PCDHA1: variants seen among roughly 807,000 people sequenced by gnomAD.
PCDHA1 encodes protocadherin alpha-1.
A neutral mutation model predicts 61.3 loss-of-function variants in PCDHA1; 42 were observed. That is an observed-to-expected ratio of 0.69 (90% CI 0.54 to 0.89). The LOEUF is 0.89. PCDHA1 is among the 40% of genes least tolerant of loss of function. PCDHA1 has a pLI of 0.00. For missense variants in PCDHA1, 1,256 were observed against 1,235.3 expected (o/e 1.02, Z -0.25); for synonymous variants, 610 against 553.8 (o/e 1.10, Z -1.43).
In PCDHA1 at chr5:140,915,632, C is replaced by CTCTG. The variant is rs1161142039; in HGVS notation, c.2395-63314_2395-63313insGTCT. 3.9e-3 allele frequency among the ~76,000 whole-genome samples: 565 copies of CTCTG among 144,610 alleles called. 2 individuals are homozygous for CTCTG. Among genetic ancestry groups the CTCTG allele is most frequent in the African/African-American group, 0.016 (538 of 34,672 alleles). 94.9% of individuals were successfully genotyped at this position (144,610 alleles called of 152,430 possible). A position where few individuals can be genotyped will look rare whatever the true frequency, so the allele number is the denominator to read the frequency against. On this transcript the variant is annotated intron_variant, in intron 1 of 3. Coordinates refer to ENST00000504120, the MANE Select transcript of PCDHA1 (RefSeq NM_018900.4). ...TGTCAAACAGTCTCTTTCTGTCTCT[C>CTCTG]TCTCTCTCTCTCTCTCTCTCTCTCA...
intron 1 of PCDHA1, chr5:140,927,409 A>C (rs1554204480): frequency 2.5e-6 from 4 of 1,614,002 alleles, no homozygotes; most frequent in Non-Finnish European, 3.4e-6. Flanking sequence ...TCGCCTGGAC[A>C]TGGGATCGCG....
chr5:140,897,875 G>A (rs2066378352), intron 1 of PCDHA1, among the ~76,000 whole-genome samples: 1 of 152,080 alleles, frequency 6.6e-6, no homozygotes, highest in South Asian at 2.1e-4. Flanking sequence ...TTTAATGATT[G>A]CCATTCTAAC....
intron 1 of PCDHA1, among the ~76,000 whole-genome samples, chr5:140,887,243 C>T (rs950171388): frequency 6.0e-4 from 91 of 152,060 alleles, no homozygotes; most frequent in Non-Finnish European, 1.2e-3. Context: ...ACTACCGGCG[C>T]CCGCCACCAC....
chr5:140,943,574 G>C (rs1424164723), intron 1 of PCDHA1, among the ~76,000 whole-genome samples: 1 of 152,154 alleles, frequency 6.6e-6, no homozygotes, highest in African/African-American at 2.4e-5. Context: ...TTAATTTGTT[G>C]ATCTGAGTGG....
rs184181496 is a variant in PCDHA1 at position 140,857,350 on chromosome 5, G to A, written c.2394+68666G>A. ...CGCGGGACGGGGGCTCGCCTCCGCTGTGGGCCACGGCCAGCGTGTCTGTGG... is the reference window on the plus strand; with the variant it reads ...CGCGGGACGGGGGCTCGCCTCCGCTATGGGCCACGGCCAGCGTGTCTGTGG... On this transcript the variant is annotated intron_variant, in intron 1 of 3. Coordinates refer to ENST00000504120, the MANE Select transcript of PCDHA1 (RefSeq NM_018900.4). 5 of 1,598,502 alleles carry A rather than the reference G, an allele frequency of 3.1e-6. 1 individual carries two copies. In the Admixed American group the frequency reaches 6.7e-5, roughly 22 times the overall value.
chr5:140,843,739 T>C (rs1554140396), intron 1 of PCDHA1: 2 of 1,538,164 alleles, frequency 1.3e-6, no homozygotes, highest in African/African-American at 2.7e-5. Context: ...AATTTAGAAC[T>C]CATAAATTCT....
At chr5:140,840,542 A>G (rs1776756307) in intron 1 of PCDHA1, among the ~76,000 whole-genome samples, 1 of 152,060 alleles carries the variant, frequency 6.6e-6, no homozygotes, top group South Asian at 2.1e-4. Context: ...TAACAAGCCA[A>G]TGATGGCAAT....
chr5:140,917,338 G>GGGGGGGT (rs2078134893), intron 1 of PCDHA1, among the ~76,000 whole-genome samples: 1 of 137,894 alleles, frequency 7.3e-6, no homozygotes, highest in Non-Finnish European at 1.6e-5. Context: ...GGAGGGGGGG[G>GGGGGGGT]ATGGTGTAGG....
At chr5:140,883,615 C>A in intron 1 of PCDHA1, 2 of 1,613,938 alleles carry the variant, frequency 1.2e-6, no homozygotes, top group East Asian at 2.2e-5. Flanking sequence ...CCGACGTGAA[C>A]GACAACGCGC....
chr5:140,795,155 T>C (rs1554119276), intron 1 of PCDHA1: 2 of 1,614,044 alleles, frequency 1.2e-6, no homozygotes, highest in Non-Finnish European at 1.7e-6. Flanking sequence ...CCGCGCCTGT[T>C]CCGGGTGGCG....
At chr5:140,823,925 A>G (rs2150130360) in intron 1 of PCDHA1, 3 of 1,613,820 alleles carry the variant, frequency 1.9e-6, no homozygotes, top group East Asian at 4.5e-5. Context: ...CTGCTGCTGT[A>G]CACCGCGCTG....
chr5:140,934,858 CTT>C (rs1462067711), intron 1 of PCDHA1, among the ~76,000 whole-genome samples: 1 of 152,136 alleles, frequency 6.6e-6, no homozygotes, highest in African/African-American at 2.4e-5. Flanking sequence ...GCTCCTGAGT[CTT>C]TGTGAGTGTG....
At chr5:140,840,288 A>G (rs2150305409) in intron 1 of PCDHA1, among the ~76,000 whole-genome samples, 1,565 of 152,122 alleles carry the variant, frequency 0.01, 48 homozygotes, top group African/African-American at 0.036. Flanking sequence ...TTGGGTGATT[A>G]TTGATTAGAT....
chr5:140,809,433 C>G, intron 1 of PCDHA1: 3 of 1,614,244 alleles, frequency 1.9e-6, no homozygotes, highest in Non-Finnish European at 2.5e-6. Context: ...GGGAGCTGGT[C>G]ATACTCGCAG....
intron 1 of PCDHA1, chr5:140,830,229 T>A (rs2150183105): frequency 2.0e-5 from 32 of 1,613,786 alleles, no homozygotes; most frequent in African/African-American, 2.7e-5. Flanking sequence ...CTGCTGGTCC[T>A]CACGCTACTG....
chr5:140,928,513 A>AT (rs1563106002), intron 1 of PCDHA1: 1 of 1,614,182 alleles, frequency 6.2e-7, no homozygotes, highest in South Asian at 1.1e-5. Flanking sequence ...AACAGTGACT[A>AT]TAAACTTGTT....
intron 1 of PCDHA1, chr5:140,857,553 C>A: frequency 1.3e-6 from 2 of 1,597,008 alleles, no homozygotes; most frequent in Non-Finnish European, 1.7e-6. Flanking sequence ...GGCGAGCGCT[C>A]GCTGTCGAGC....
intron 1 of PCDHA1, chr5:140,968,736 A>G (rs1047961532): frequency 3.1e-6 from 5 of 1,614,098 alleles, no homozygotes; most frequent in East Asian, 2.2e-5. Context: ...AGCACTTTCA[A>G]CCTGACCGTG....
At chr5:140,987,560 G>A (rs2097259227) in intron 3 of PCDHA1, among the ~76,000 whole-genome samples, 36 of 152,130 alleles carry the variant, frequency 2.4e-4, no homozygotes, top group Admixed American at 2.4e-3. Flanking sequence ...CTGATTCTCA[G>A]TTTCTTTCTC....
Sources: gnomAD v4.1 joint callset for allele counts (sites outside exome capture counted in the v4.1 genomes callset) on GRCh38, gnomAD v4.1.1 for gene constraint, MANE v1.5 for transcripts, NCBI Gene and HGNC (gene_info 2026-07-23, HGNC 2026-07-21) for gene names.